The following LGR4 variants were observed in gnomAD, a reference collection of about 807,000 sequenced individuals.
LGR4 encodes leucine rich repeat containing G protein-coupled receptor 4, also known as leucine-rich repeat-containing G protein-coupled receptor 4.
LGR4 carries 44 observed loss-of-function variants against 84.8 expected under a neutral mutation model. That is an observed-to-expected ratio of 0.52 (90% CI 0.41 to 0.67). The LOEUF is 0.67. Among genes scored for constraint, LGR4 ranks in the 30% least tolerant of loss-of-function variants. LGR4 has a pLI of 0.00. For synonymous variants in LGR4, 429 were observed against 434.3 expected (o/e 0.99, Z 0.15); for missense variants, 1,032 against 1,131.4 (o/e 0.91, Z 1.26).
chr11:27,444,064 G>A (rs1864347012), intron 1 of LGR4, among the ~76,000 whole-genome samples: 1 of 150,720 alleles, frequency 6.6e-6, no homozygotes, highest in South Asian at 2.1e-4. Context: ...TTTCAATGAG[G>A]CATTACACGC....
In LGR4 at chr11:27,391,159, G is replaced by C. The variant is rs1281866104; in HGVS notation, c.336C>G (p.Leu112=). ...SGLKELKVLT[L]QNNQLKTVPS... is the part of the protein sequence containing the mutation. ...GTACTGTTTTCAACTGATTATTCTG[G>C]AGCGTTCTGAAAGAAAATTTTTGGT... The change falls in exon 4 of 18, where the codon CTC becomes CTG. Residue 112 remains leucine, a synonymous_variant. Coordinates refer to ENST00000379214, the MANE Select transcript of LGR4 (RefSeq NM_018490.5). The C allele has an allele frequency of 6.3e-7, 1 of 1,595,400 alleles. No homozygotes were observed. The highest frequency in any genetic ancestry group is 8.5e-7 in the Non-Finnish European group (1 of 1,171,086).
At chr11:27,466,878 G>A (rs528494649) in intron 1 of LGR4, among the ~76,000 whole-genome samples, 99 of 152,128 alleles carry the variant, frequency 6.5e-4, no homozygotes, top group African/African-American at 2.2e-3. Flanking sequence ...CTACCTCTGG[G>A]GTTCAAGAGA....
chr11:27,448,318 T>A (rs1022750970), intron 1 of LGR4, among the ~76,000 whole-genome samples: 2 of 148,748 alleles, frequency 1.3e-5, no homozygotes, highest in African/African-American at 4.9e-5. Flanking sequence ...TGAGACAGAG[T>A]TTTTGCTCTT....
chr11:27,445,205 T>C (rs1474897659), intron 1 of LGR4, among the ~76,000 whole-genome samples: 1 of 152,142 alleles, frequency 6.6e-6, no homozygotes, highest in Non-Finnish European at 1.5e-5. Context: ...CTGTATTTGA[T>C]TCGTGCATGT....
chr11:27,415,652 C>T (rs1376946233), intron 1 of LGR4, among the ~76,000 whole-genome samples: 9 of 152,072 alleles, frequency 5.9e-5, no homozygotes, highest in East Asian at 1.9e-4. Flanking sequence ...TTCACACACC[C>T]GGAGAAGTTC....
intron 1 of LGR4, among the ~76,000 whole-genome samples, chr11:27,441,891 C>T (rs1270625909): frequency 6.6e-6 from 1 of 152,160 alleles, no homozygotes; most frequent in African/African-American, 2.4e-5. Context: ...CCCAATCCTC[C>T]TTTAAAGGGG....
chr11:27,419,408 C>A (rs1863881956), intron 1 of LGR4, among the ~76,000 whole-genome samples: 1 of 151,626 alleles, frequency 6.6e-6, no homozygotes, highest in Non-Finnish European at 1.5e-5. Context: ...TAGCAGCTGA[C>A]AATACCAAGT....
chr11:27,416,673 T>G (rs1863826271), intron 1 of LGR4, among the ~76,000 whole-genome samples: 2 of 152,178 alleles, frequency 1.3e-5, no homozygotes, highest in South Asian at 4.1e-4. Flanking sequence ...GATTTTAAGC[T>G]GGGAGAACCC....
intron 1 of LGR4, 168 bp downstream of exon 1, chr11:27,471,950 G>A: frequency 2.5e-6 from 1 of 393,152 alleles, no homozygotes; most frequent in Non-Finnish European, 4.3e-6. Context: ...CGTGGCACAG[G>A]AGTGGGTGCC....
intron 1 of LGR4, 45 bp downstream of exon 1, chr11:27,472,072 GC>G: frequency 8.7e-7 from 1 of 1,155,680 alleles, no homozygotes; most frequent in Non-Finnish European, 1.1e-6. Context: ...CCCCCGCTGG[GC>G]CCCGTTTCCT....
At chr11:27,392,313 C>G in intron 3 of LGR4, 134 bp downstream of exon 3, 3 of 636,976 alleles carry the variant, frequency 4.7e-6, no homozygotes, top group Non-Finnish European at 7.7e-6. Flanking sequence ...GCCTCTCATA[C>G]TACTCACTGG....
rs781339140 is a variant in LGR4, at chr11:27,385,289, T to C, written c.581A>G (p.Asp194Gly). The change falls in exon 5 of 18, where the codon GAC becomes GGC. Residue 194 changes from aspartate (D) to glycine (G), a missense_variant. By Grantham distance (94) the Asp-to-Gly change is moderately conservative (BLOSUM62 -1). Coordinates refer to ENST00000379214, the MANE Select transcript of LGR4 (RefSeq NM_018490.5). ...GCTTGAAAGGTTGGTAAATGCAAAG[T>C]CAGGGATGCTTGAGATCTTGTTGAG... ...LALNKISSIP[D>G]FAFTNLSSLV... 6 of 1,597,712 alleles carry C rather than the reference T, an allele frequency of 3.8e-6. No homozygotes were observed. The African/African-American group carries it at 8.0e-5, about 21-fold the overall frequency.
At chr11:27,375,553 G>T (rs1032485856) in intron 13 of LGR4, among the ~76,000 whole-genome samples, 2 of 152,166 alleles carry the variant, frequency 1.3e-5, no homozygotes, top group Admixed American at 6.6e-5. Flanking sequence ...AACTTCTTCT[G>T]TAGAAGGCCA....
intron 4 of LGR4, among the ~76,000 whole-genome samples, chr11:27,387,268 C>CT (rs1486979509): frequency 6.6e-6 from 1 of 152,096 alleles, no homozygotes; most frequent in Non-Finnish European, 1.5e-5. Context: ...CCTCAAGAGA[C>CT]TGACATTCCA....
rs923663362 is a variant in LGR4, at chr11:27,409,452, T to C, written c.257+3337A>G. On this transcript the variant is annotated intron_variant, in intron 2 of 17. Transcript: ENST00000379214. ...TTGTAAAGCTCTAAACACATACTAT[T>C]TACACTCTTATCTTTATCAAATGGA... is the stretch of plus-strand genomic sequence containing the variant. Among the ~76,000 whole-genome samples the C allele has an allele frequency of 9.2e-5, 14 of 152,178 alleles. 1 individual carries two copies. In the South Asian group the frequency reaches 2.9e-3, roughly 32 times the overall value.
At chr11:27,385,593 A>G in intron 4 of LGR4, 125 bp from the exon 5 acceptor site, 1 of 609,776 alleles carries the variant, frequency 1.6e-6, no homozygotes, top group South Asian at 2.3e-5. Flanking sequence ...TAATTTTACT[A>G]GAAGTCCTCA....
At chr11:27,463,804 CA>C (rs1273530599) in intron 1 of LGR4, among the ~76,000 whole-genome samples, 1 of 151,612 alleles carries the variant, frequency 6.6e-6, no homozygotes, top group Non-Finnish European at 1.5e-5. Context: ...CAAAACAAAA[CA>C]AAAAAAATGA....
At chr11:27,375,586 G>C (rs1048019351) in intron 13 of LGR4, among the ~76,000 whole-genome samples, 2 of 152,184 alleles carry the variant, frequency 1.3e-5, no homozygotes, top group African/African-American at 4.8e-5. Flanking sequence ...TTTCACCTTT[G>C]TGAGTCATAT....
In LGR4 at chr11:27,371,668, G is replaced by A; in HGVS notation, c.1526C>T (p.Thr509Ile). Residue 509 changes from threonine (T) to isoleucine (I), a missense_variant, in exon 17 of 18, where the codon ACT becomes ATT. Transcript: ENST00000379214. ...TTGACTATGTTCTTCATTTTCAAGA[G>A]TGCTTGTGACATTTGCTGCATCAGC... ...GTADAANVTS[T>I]LENEEHSQII... is the part of the protein sequence containing the mutation. The A allele has an allele frequency of 1.2e-6, 2 of 1,613,248 alleles. No homozygotes were observed. The highest frequency in any genetic ancestry group is 1.1e-5 in the South Asian group (1 of 90,902).
Sources: allele counts gnomAD v4.1 joint callset (sites outside exome capture counted in the v4.1 genomes callset), GRCh38; gene constraint gnomAD v4.1.1; transcripts MANE v1.5; gene names NCBI Gene and HGNC (gene_info 2026-07-23, HGNC 2026-07-21).